Variants in STRIP2 observed in about 807,000 individuals in gnomAD.
The protein encoded by STRIP2 is striatin interacting protein 2.
In STRIP2, 84 loss-of-function variants were observed where a neutral mutation model predicts 107.1. That is an observed-to-expected ratio of 0.78 (90% CI 0.66 to 0.94). The LOEUF (loss-of-function observed/expected upper bound fraction) is 0.94, where lower values mean the gene tolerates loss of function less well. Among genes scored for constraint, STRIP2 ranks in the 40% least tolerant of loss-of-function variants. STRIP2 has a pLI of 0.00. For missense variants in STRIP2, 888 were observed against 1,034.2 expected (o/e 0.86, Z 1.94); for synonymous variants, 394 against 400.4 (o/e 0.98, Z 0.19).
At chr7:129,448,684 C>CT (rs1204374716) in intron 3 of STRIP2, among the ~76,000 whole-genome samples, 1 of 152,174 alleles carries the variant, frequency 6.6e-6, no homozygotes, top group African/African-American at 2.4e-5. Flanking sequence ...CTGATTGCTC[C>CT]TTTGCCTCTG....
At chr7:129,442,366 A>G (rs1797924006) in intron 2 of STRIP2, among the ~76,000 whole-genome samples, 1 of 152,244 alleles carries the variant, frequency 6.6e-6, no homozygotes, top group Admixed American at 6.5e-5. Flanking sequence ...ATATGTGCAT[A>G]TAGCAAAAGT....
At chr7:129,476,357 G>A (rs1269638269) in intron 18 of STRIP2, among the ~76,000 whole-genome samples, 5 of 138,648 alleles carry the variant, frequency 3.6e-5, no homozygotes, top group East Asian at 2.2e-4. Flanking sequence ...GCTGCCGGGC[G>A]GAGGGGCTCC....
rs1313658483 is a variant in STRIP2, at chr7:129,444,811, T to A, written c.274+713T>A. Reference sequence around the variant, plus strand: ...ACTCACCAATCCCCAACCCAAATACTATTATATAAAGTTAACAATACTTAA... The same window carrying A: ...ACTCACCAATCCCCAACCCAAATACAATTATATAAAGTTAACAATACTTAA... On this transcript the variant is annotated intron_variant, in intron 3 of 20. Coordinates refer to ENST00000249344, the MANE Select transcript of STRIP2 (RefSeq NM_020704.3). Among the ~76,000 whole-genome samples, 7 of 152,154 alleles carry A rather than the reference T, an allele frequency of 4.6e-5. No individual in the cohort carries two copies. In the South Asian group the frequency reaches 1.0e-3, roughly 22 times the overall value.
intron 2 of STRIP2, 101 bp from the exon 3 acceptor site, chr7:129,443,923 G>A (rs1389637281): frequency 1.2e-6 from 1 of 835,720 alleles, no homozygotes. Flanking sequence ...TTGGACACAG[G>A]AATGTGTTGG....
Position 129,483,677 on chromosome 7 carries a change from C to G in STRIP2, c.2254+631C>G, listed in dbSNP as rs1254894886. The G allele has an allele frequency of 6.6e-6, 1 of 152,204 alleles. No homozygotes were observed. The highest frequency in any genetic ancestry group is 1.9e-4 in the East Asian group (1 of 5,208). 9.4% of individuals were successfully genotyped at this position (152,204 alleles called of 1,614,324 possible). A position where few individuals can be genotyped will look rare whatever the true frequency, so the allele number is the denominator to read the frequency against. On this transcript the variant is annotated intron_variant, in intron 20 of 20. Coordinates refer to ENST00000249344, the MANE Select transcript of STRIP2 (RefSeq NM_020704.3). The surrounding 1 kb of genome is among the most constrained non-coding windows in gnomAD (Gnocchi z 5.1). ...GTTCTTCATAGCTATTTTTCCAAGTCAGAATCCAATCCAGGACCACAGGTT... is the reference window on the plus strand; with the variant it reads ...GTTCTTCATAGCTATTTTTCCAAGTGAGAATCCAATCCAGGACCACAGGTT...
Position 129,434,605 on chromosome 7 carries a change from A to G in STRIP2, c.129+4A>G. The G allele has an allele frequency of 6.7e-7, 1 of 1,490,910 alleles. No individual in the cohort carries two copies. The highest frequency in any genetic ancestry group is 8.9e-7 in the Non-Finnish European group (1 of 1,124,414). The allele number at this position is 1,490,910 out of a possible 1,614,324, so 92.4% of individuals were successfully genotyped here. A position where few individuals can be genotyped will look rare whatever the true frequency, so the allele number is the denominator to read the frequency against. ...AAGCCAGCGGCGGGAGTCAGAGGTG[A>G]GGAGCCCGGAAAGCTTCGGCTGGGG... is the stretch of plus-strand genomic sequence containing the variant. On this transcript the variant is annotated splice_donor_region_variant and intron_variant, in intron 1 of 20. Coordinates refer to ENST00000249344, the MANE Select transcript of STRIP2 (RefSeq NM_020704.3).
At chr7:129,437,886 A>G (rs1037814743) in intron 1 of STRIP2, among the ~76,000 whole-genome samples, 6 of 151,274 alleles carry the variant, frequency 4.0e-5, no homozygotes, top group African/African-American at 1.5e-4. Context: ...GCTCACTGCA[A>G]GCTCTGCCTC....
At chr7:129,478,006 G>A in intron 18 of STRIP2, 1 of 470,522 alleles carries the variant, frequency 2.1e-6, no homozygotes, top group Non-Finnish European at 4.3e-6. Context: ...TGATAGATAA[G>A]TGTGTGGAGA....
chr7:129,450,893 G>A (rs1562898794), intron 3 of STRIP2, among the ~76,000 whole-genome samples: 1 of 143,808 alleles, frequency 7.0e-6, no homozygotes, highest in Non-Finnish European at 1.5e-5. Flanking sequence ...CAGAGTATTT[G>A]GCCACAGCAT....
chr7:129,455,043 G>A (rs529141248), intron 7 of STRIP2, among the ~76,000 whole-genome samples: 26 of 152,352 alleles, frequency 1.7e-4, no homozygotes, highest in Middle Eastern at 3.4e-3. Context: ...TGGGGCCTAT[G>A]CCATTTTAAT....
At chr7:129,480,684 C>T in intron 18 of STRIP2, 101 bp from the exon 19 acceptor site, 1 of 855,604 alleles carries the variant, frequency 1.2e-6, no homozygotes. Context: ...TTATTTCATA[C>T]AGGAAGGCCT....
rs377028763 is a variant in STRIP2, at chr7:129,437,319, C to T, written c.130-2703C>T. Among the ~76,000 whole-genome samples the T allele has an allele frequency of 3.0e-4, 45 of 151,968 alleles. No individual in the cohort carries two copies. In the Middle Eastern group the frequency reaches 0.027, roughly 92 times the overall value. ...AGATTTAGCCAGGCATGATGGTGCGCGCCTGTTGTCCCAGCTGCTCAGGAG... is the reference window on the plus strand; with the variant it reads ...AGATTTAGCCAGGCATGATGGTGCGTGCCTGTTGTCCCAGCTGCTCAGGAG... On this transcript the variant is annotated intron_variant, in intron 1 of 20. Coordinates refer to ENST00000249344, the MANE Select transcript of STRIP2 (RefSeq NM_020704.3).
chr7:129,485,833 A>G lies in STRIP2; in HGVS notation c.*4A>G. The G allele has an allele frequency of 1.2e-6, 2 of 1,613,582 alleles. No homozygotes were observed. Among genetic ancestry groups the G allele is most frequent in the South Asian group, 1.1e-5 (1 of 91,044 alleles). ...GGAGCTGCTCCAGAATCACTGACTA[A>G]GTTCTTGTCAACAAGCATCAATAGA... On this transcript the variant is annotated 3_prime_UTR_variant, in exon 21 of 21. Transcript: ENST00000249344.
In STRIP2 at chr7:129,458,131, AG is replaced by A; in HGVS notation, c.1039-82del. 1.0e-6 allele frequency: 1 copy of A among 973,698 alleles called. No homozygotes were observed. The highest frequency in any genetic ancestry group is 1.6e-6 in the Non-Finnish European group (1 of 612,080). 60.3% of individuals were successfully genotyped at this position (973,698 alleles called of 1,614,324 possible). A position where few individuals can be genotyped will look rare whatever the true frequency, so the allele number is the denominator to read the frequency against. Reference sequence around the variant, plus strand: ...AGATTCCATGTTCCCTGAAATGTGGAGGCCTGTGGATATGGGGTGGCCTCAG... The same window carrying A: ...AGATTCCATGTTCCCTGAAATGTGGAGCCTGTGGATATGGGGTGGCCTCAG... On this transcript the variant is annotated intron_variant, in intron 9 of 20. Transcript: ENST00000249344. This position sits in a 1 kb window ranked among gnomAD's most constrained non-coding sequence, Gnocchi z 4.6.
intron 2 of STRIP2, 148 bp from the exon 3 acceptor site, chr7:129,443,876 C>T (rs760074449): frequency 7.0e-5 from 47 of 669,392 alleles, no homozygotes; most frequent in Non-Finnish European, 1.1e-4. Flanking sequence ...CTATTTTTAA[C>T]GTTGCTCTGA....
chr7:129,440,948 A>G (rs1174697124), intron 2 of STRIP2, among the ~76,000 whole-genome samples: 1 of 152,184 alleles, frequency 6.6e-6, no homozygotes, highest in African/African-American at 2.4e-5. Flanking sequence ...GATGAGTGAC[A>G]GAGAAATAGA....
At chr7:129,482,724 A>G in intron 19 of STRIP2, 118 bp from the exon 20 acceptor site, 1 of 1,193,296 alleles carries the variant, frequency 8.4e-7, no homozygotes, top group South Asian at 1.4e-5. Context: ...CCTGGACCAT[A>G]GATTCCTGAA....
rs1799245117 is a variant in STRIP2, at chr7:129,486,424, A to C, written c.*595A>C. 6.4e-6 allele frequency: 1 copy of C among 155,204 alleles called. No homozygotes were observed. Among genetic ancestry groups the C allele is most frequent in the African/African-American group, 2.4e-5 (1 of 41,430 alleles). 9.6% of individuals were successfully genotyped at this position (155,204 alleles called of 1,614,324 possible). A position where few individuals can be genotyped will look rare whatever the true frequency, so the allele number is the denominator to read the frequency against. On this transcript the variant is annotated 3_prime_UTR_variant, in exon 21 of 21. Coordinates refer to ENST00000249344, the MANE Select transcript of STRIP2 (RefSeq NM_020704.3). The stretch of plus-strand genomic sequence containing the variant: ...ATGTTATCGAAAAGTGTGTTGTGTA[A>C]AGTGTTTTTTTCCTCATTCTGTAAG...
chr7:129,438,323 C>T (rs985393847), intron 1 of STRIP2, among the ~76,000 whole-genome samples: 3 of 152,066 alleles, frequency 2.0e-5, no homozygotes, highest in African/African-American at 4.8e-5. Flanking sequence ...CAATAAGGAA[C>T]TAGTTAAGTA....
Sources: gnomAD v4.1 joint callset for allele counts (sites outside exome capture counted in the v4.1 genomes callset) on GRCh38, gnomAD v4.1.1 for gene constraint, Gnocchi (gnomAD v3.1) non-coding constraint, MANE v1.5 for transcripts, NCBI Gene and HGNC (gene_info 2026-07-23, HGNC 2026-07-21) for gene names.